DEPDC7: variants seen among roughly 807,000 people sequenced by gnomAD.
DEPDC7 encodes DEP domain-containing protein 7.
A neutral mutation model predicts 56.6 loss-of-function variants in DEPDC7; 41 were observed. That is an observed-to-expected ratio of 0.72 (90% CI 0.56 to 0.94). DEPDC7 has a LOEUF of 0.94. Ranked by LOEUF, DEPDC7 falls within the 40% of genes least tolerant of loss-of-function variation. The probability of loss-of-function intolerance (pLI) is 0.00; values close to 1 mark genes in which losing one functional copy is unlikely to be tolerated. For synonymous variants in DEPDC7, 185 were observed against 208.8 expected, an observed-to-expected ratio of 0.89 and a Z score of 0.98; for missense variants, 522 against 596.3, an observed-to-expected ratio of 0.88 and a Z score of 1.30.
At chr11:33,023,451 C>T (rs773769922) in intron 1 of DEPDC7, among the ~76,000 whole-genome samples, 6 of 152,094 alleles carry the variant, frequency 3.9e-5, no homozygotes, top group Non-Finnish European at 8.8e-5. Flanking sequence ...TCAGTGTACT[C>T]CTTATATTTA....
rs566822487 is a variant in DEPDC7 at position 33,029,368 on chromosome 11, C to T, written c.782+576C>T. Among the ~76,000 whole-genome samples, 24 of 150,342 alleles carry T rather than the reference C, an allele frequency of 1.6e-4. No homozygotes were observed. The South Asian group carries it at 4.4e-3, about 28-fold the overall frequency. ...CAAAAATTAGCCAGGCATGGTGGCA[C>T]GTAATCCCAGCTACTTGGGAGGCTG... On this transcript the variant is annotated intron_variant, in intron 4 of 8. Transcript: ENST00000241051.
In DEPDC7 at chr11:33,030,263, A is replaced by T. The variant is rs541818686; in HGVS notation, c.783-1115A>T. On this transcript the variant is annotated intron_variant, in intron 4 of 8. Transcript: ENST00000241051. ...GTGAGCCACTGCACCCAGCCTTGTAATTAGTAATTTTTATATACAAAATCA... is the reference window on the plus strand; with the variant it reads ...GTGAGCCACTGCACCCAGCCTTGTATTTAGTAATTTTTATATACAAAATCA... Among the ~76,000 whole-genome samples, 3 of 151,988 alleles carry T rather than the reference A, an allele frequency of 2.0e-5. No individual in the cohort carries two copies. The South Asian group carries it at 6.2e-4, about 32-fold the overall frequency.
chr11:33,017,111 C>T (rs1301745676), intron 1 of DEPDC7, among the ~76,000 whole-genome samples: 2 of 152,182 alleles, frequency 1.3e-5, no homozygotes, highest in Non-Finnish European at 2.9e-5. Flanking sequence ...AACCATTTTT[C>T]ACTTGTCCTT....
intron 1 of DEPDC7, among the ~76,000 whole-genome samples, chr11:33,023,566 C>CT (rs150723774): frequency 0.013 from 1,932 of 152,178 alleles, 30 homozygotes; most frequent in South Asian, 0.036. Flanking sequence ...CGGAGTCTTG[C>CT]TTTGTCGTCC....
chr11:33,029,311 G>T (rs866881821), intron 4 of DEPDC7, among the ~76,000 whole-genome samples: 1 of 151,378 alleles, frequency 6.6e-6, no homozygotes, highest in Non-Finnish European at 1.5e-5. Context: ...CAGCCTGGCC[G>T]ACATGGTAAA....
intron 4 of DEPDC7, among the ~76,000 whole-genome samples, chr11:33,029,127 G>A (rs964061388): frequency 6.6e-6 from 1 of 151,106 alleles, no homozygotes; most frequent in East Asian, 1.9e-4. Flanking sequence ...AAACAGATTT[G>A]ACAGATTATT....
chr11:33,028,726 A>G lies in DEPDC7; in HGVS notation c.716A>G (p.Gln239Arg), dbSNP rs1163765165. Residue 239 changes from glutamine to arginine, a missense_variant, in exon 4 of 9, where the codon CAG (glutamine) becomes CGG (arginine). Physicochemically the swap from Gln to Arg is conservative, Grantham distance 43. Coordinates refer to ENST00000241051, the MANE Select transcript of DEPDC7 (RefSeq NM_001077242.2). ...CCTAAAATTCCTCAACCTAAGAGGCAGTCCACCATGGTCAACAGCAGTAAC... is the reference window on the plus strand; with the variant it reads ...CCTAAAATTCCTCAACCTAAGAGGCGGTCCACCATGGTCAACAGCAGTAAC... The part of the protein sequence containing the change: ...AVPKIPQPKR[Q>R]STMVNSSNYL... The G allele has an allele frequency of 6.2e-7, 1 of 1,614,032 alleles. No individual in the cohort carries two copies. The highest frequency in any genetic ancestry group is 8.5e-7 in the Non-Finnish European group (1 of 1,179,998).
chr11:33,022,981 T>C (rs908383508), intron 1 of DEPDC7, among the ~76,000 whole-genome samples: 3 of 152,148 alleles, frequency 2.0e-5, no homozygotes, highest in South Asian at 2.1e-4. Flanking sequence ...TCTTGCTTAT[T>C]TTGGGAGGCC....
chr11:33,018,699 T>G (rs1367451555), intron 1 of DEPDC7, among the ~76,000 whole-genome samples: 1 of 152,204 alleles, frequency 6.6e-6, no homozygotes, highest in Non-Finnish European at 1.5e-5. Context: ...AATAGTATGG[T>G]CCATTTGTCA....
At chr11:33,022,520 G>A (rs1435793277) in intron 1 of DEPDC7, among the ~76,000 whole-genome samples, 1 of 152,176 alleles carries the variant, frequency 6.6e-6, no homozygotes, top group African/African-American at 2.4e-5. Flanking sequence ...AGAATTAAAT[G>A]CGAGAAGACA....
intron 1 of DEPDC7, among the ~76,000 whole-genome samples, chr11:33,022,267 G>C (rs1590207216): frequency 6.6e-6 from 1 of 152,208 alleles, no homozygotes; most frequent in East Asian, 1.9e-4. Flanking sequence ...CTTGGTTAAG[G>C]GTTCTTAGAG....
intron 1 of DEPDC7, chr11:33,016,501 CAA>C (rs775838279): frequency 6.2e-7 from 1 of 1,613,336 alleles, no homozygotes; most frequent in East Asian, 2.2e-5. Context: ...TGCTAGGAGT[CAA>C]GAGTCAGCTT....
At position 33,027,686 on chromosome 11, in the gene DEPDC7, G is replaced by A. The variant is rs2133664449; in HGVS notation, c.465G>A (p.Arg155=). 5 of 1,506,640 alleles carry A rather than the reference G, an allele frequency of 3.3e-6. No homozygotes were observed. In the East Asian group the frequency reaches 1.3e-4, roughly 38 times the overall value. The allele number at this position is 1,506,640 out of a possible 1,614,324, so 93.3% of individuals were successfully genotyped here. The change falls in exon 3 of 9, where the codon AGG becomes AGA. Residue 155 remains arginine (R), a splice_region_variant and synonymous_variant. Coordinates refer to ENST00000241051, the MANE Select transcript of DEPDC7 (RefSeq NM_001077242.2). The part of the protein sequence containing the change: ...GKENKLYSPA[R]YADALFKSSD... Reference sequence around the variant, plus strand: ...CATTTCTGAAATAAATTCATTTTAGGTATGCAGATGCATTATTTAAGTCAT... The same window carrying A: ...CATTTCTGAAATAAATTCATTTTAGATATGCAGATGCATTATTTAAGTCAT...
chr11:33,033,304 A>G lies in DEPDC7; in HGVS notation c.1385A>G (p.Asn462Ser), dbSNP rs368852267. ...CQRIDQRDYS[N>S]NTEKTTKDEL... The stretch of plus-strand genomic sequence containing the variant: ...AGAATTGATCAACGTGACTATTCCA[A>G]CAATACAGAGAAGACAACCAAAGAT... Residue 462 changes from asparagine to serine, a missense_variant, in exon 9 of 9, where the codon AAC becomes AGC. Asn to Ser is a conservative substitution (Grantham distance 46). Transcript: ENST00000241051. 3.2e-5 allele frequency: 51 copies of G among 1,603,698 alleles called. No homozygotes were observed. Among genetic ancestry groups the G allele is most frequent in the Admixed American group, 5.3e-5 (3 of 56,372 alleles).
At chr11:33,026,120 C>A in intron 2 of DEPDC7, 71 bp downstream of exon 2, 1 of 1,533,276 alleles carries the variant, frequency 6.5e-7, no homozygotes, top group Non-Finnish European at 9.0e-7. Context: ...GAGATGCCTA[C>A]TGGCTTTATA....
At chr11:33,027,566 T>C in intron 2 of DEPDC7, 120 bp from the exon 3 acceptor site, 1 of 786,440 alleles carries the variant, frequency 1.3e-6, no homozygotes. Flanking sequence ...CTCTTAGAAT[T>C]TGGATTTGTT....
intron 4 of DEPDC7, among the ~76,000 whole-genome samples, chr11:33,030,556 C>T (rs1209683772): frequency 6.6e-6 from 1 of 152,062 alleles, no homozygotes; most frequent in Non-Finnish European, 1.5e-5. Context: ...CAGGATTTTA[C>T]TGTAGATGAT....
Position 33,021,600 on chromosome 11 carries a change from T to G in DEPDC7, c.74-4059T>G, listed in dbSNP as rs143760974. Among the ~76,000 whole-genome samples the G allele has an allele frequency of 2.6e-3, 402 of 152,362 alleles. 4 individuals are homozygous for G. In the Middle Eastern group the frequency reaches 0.034, roughly 13 times the overall value. On this transcript the variant is annotated intron_variant, in intron 1 of 8. Transcript: ENST00000241051. ...ATCCTGGTATGGGTTTTGGCACATTTACTTGTCAAGTCCAGGGTACATTGT... is the reference window on the plus strand; with the variant it reads ...ATCCTGGTATGGGTTTTGGCACATTGACTTGTCAAGTCCAGGGTACATTGT...
In DEPDC7 at chr11:33,032,675, A is replaced by G. The variant is rs764454754; in HGVS notation, c.1145A>G (p.Asn382Ser). The part of the protein sequence containing the change: ...SEFKLQKESD[N>S]RMVVKRIFSK... Reference sequence around the variant, plus strand: ...TTTGTTTTATTTTTATAGAGTGACAACCGAATGGTTGTGAAAAGGATATTC... The same window carrying G: ...TTTGTTTTATTTTTATAGAGTGACAGCCGAATGGTTGTGAAAAGGATATTC... Residue 382 changes from asparagine to serine, a missense_variant, in exon 7 of 9, where the codon AAC becomes AGC. Coordinates refer to ENST00000241051, the MANE Select transcript of DEPDC7 (RefSeq NM_001077242.2). 1 of 1,581,926 alleles carries G rather than the reference A, an allele frequency of 6.3e-7. No homozygotes were observed. Among genetic ancestry groups the G allele is most frequent in the Non-Finnish European group, 8.6e-7 (1 of 1,165,270 alleles).
Sources: gnomAD v4.1 joint callset for allele counts (sites outside exome capture counted in the v4.1 genomes callset) on GRCh38, gnomAD v4.1.1 for gene constraint, MANE v1.5 for transcripts, NCBI Gene and HGNC (gene_info 2026-07-23, HGNC 2026-07-21) for gene names.